Variants in OPN5 observed in about 807,000 individuals in gnomAD.
OPN5 encodes the protein opsin-5.
In OPN5, 18 loss-of-function variants were observed where a neutral mutation model predicts 41.7. The observed-to-expected ratio is 0.43, with a 90% CI of 0.30 to 0.64. OPN5 has a LOEUF of 0.64. Ranked by LOEUF, OPN5 falls within the 30% of genes least tolerant of loss-of-function variation. The pLI, the probability that OPN5 is intolerant of heterozygous loss-of-function variation, is 0.13. For synonymous variants in OPN5, 178 were observed against 164.3 expected (o/e 1.08, Z -0.64); for missense variants, 318 against 434.5 (o/e 0.73, Z 2.38).
In OPN5 at chr6:47,812,855, C is replaced by T. The variant is rs549051824; in HGVS notation, c.1056+1124C>T. Among the ~76,000 whole-genome samples the T allele has an allele frequency of 5.4e-4, 82 of 152,192 alleles. 1 individual carries two copies. The South Asian group carries it at 0.016, about 30-fold the overall frequency. ...AGCGAATAGGGGAAGAGGGTGGCCC[C>T]TCTCACACCATTGATAATCTCTCCA... On this transcript the variant is annotated intron_variant, in intron 6 of 6. Transcript: ENST00000371211.
At chr6:47,790,114 ATAACT>A (rs957204159) in intron 2 of OPN5, among the ~76,000 whole-genome samples, 15 of 152,334 alleles carry the variant, frequency 9.8e-5, no homozygotes, top group African/African-American at 2.6e-4. Context: ...TGAATAAGAC[ATAACT>A]TAACAGAAGA....
chr6:47,793,828 A>G (rs751885549), intron 3 of OPN5: 3 of 933,732 alleles, frequency 3.2e-6, no homozygotes, highest in East Asian at 1.2e-4. Context: ...ACGTATGCCT[A>G]TGCACATTCC....
At chr6:47,819,254 A>G (rs1052631899) in intron 6 of OPN5, among the ~76,000 whole-genome samples, 3 of 148,612 alleles carry the variant, frequency 2.0e-5, no homozygotes, top group African/African-American at 7.4e-5. Flanking sequence ...AACTCACCCC[A>G]GGACACCCTA....
chr6:47,793,946 T>C (rs999583643), intron 3 of OPN5, among the ~76,000 whole-genome samples: 1 of 152,190 alleles, frequency 6.6e-6, no homozygotes, highest in African/African-American at 2.4e-5. Context: ...TGGTTGGGCA[T>C]GAAATTTGCA....
In OPN5 at chr6:47,795,761, T is replaced by TTCTC. The variant is rs112984403; in HGVS notation, c.756+213_756+216dup. 3.1e-3 allele frequency among the ~76,000 whole-genome samples: 428 copies of TTCTC among 136,974 alleles called. 3 individuals are homozygous for TTCTC. Among genetic ancestry groups the TTCTC allele is most frequent in the African/African-American group, 9.9e-3 (374 of 37,796 alleles). 89.9% of individuals were successfully genotyped at this position (136,974 alleles called of 152,430 possible). On this transcript the variant is annotated intron_variant, in intron 4 of 6. Transcript: ENST00000371211. The stretch of plus-strand genomic sequence containing the variant: ...CTGTCTCTGTACCCCCACTTCTCTC[T>TTCTC]TCTCTCTCTCTCTCTCTCACACACA...
In OPN5 at chr6:47,808,427, C is replaced by G. The variant is rs181938602; in HGVS notation, c.998+32C>G. On this transcript the variant is annotated intron_variant, in intron 5 of 6. Transcript: ENST00000371211. The stretch of plus-strand genomic sequence containing the variant: ...CTTCAGAAGCTGGAAATGAATTACA[C>G]TCTCTTTGTTTCAAAATCCGGCAGG... The G allele has an allele frequency of 3.1e-6, 5 of 1,611,504 alleles. No homozygotes were observed. The East Asian group carries it at 1.1e-4, about 36-fold the overall frequency.
rs116456062 is a variant in OPN5, at chr6:47,817,712, A to G, written c.1056+5981A>G. ...CTAATGTGTTTTTAAGTCTTTTCCC[A>G]TTGGATGTGGTCACAGTCAGAGGTG... On this transcript the variant is annotated intron_variant, in intron 6 of 6. Coordinates refer to ENST00000371211, the Ensembl canonical transcript of OPN5. 3.9e-3 allele frequency among the ~76,000 whole-genome samples: 594 copies of G among 152,272 alleles called. 6 individuals are homozygous for G. The highest frequency in any genetic ancestry group is 0.013 in the African/African-American group (533 of 41,576).
intron 6 of OPN5, among the ~76,000 whole-genome samples, chr6:47,813,097 AC>A (rs879492104): frequency 0.12 from 18,518 of 150,870 alleles, 1,262 homozygotes; most frequent in Middle Eastern, 0.16. Flanking sequence ...AACAACAACA[AC>A]AACAACAACA....
At chr6:47,814,677 G>C (rs1731245226) in intron 6 of OPN5, among the ~76,000 whole-genome samples, 1 of 152,116 alleles carries the variant, frequency 6.6e-6, no homozygotes. Flanking sequence ...ATAACTTCCT[G>C]AGTGGGTTTT....
intron 6 of OPN5, among the ~76,000 whole-genome samples, chr6:47,822,393 T>C (rs1376262228): frequency 6.6e-6 from 1 of 152,194 alleles, no homozygotes; most frequent in Admixed American, 6.5e-5. Context: ...GAAAAAAATA[T>C]GACTTAGGCT....
At chr6:47,782,527 G>A (rs1773113824) in intron 1 of OPN5, among the ~76,000 whole-genome samples, 1 of 152,096 alleles carries the variant, frequency 6.6e-6, no homozygotes, top group Non-Finnish European at 1.5e-5. Context: ...TTTAAACAGA[G>A]TGCTTTTTAA....
chr6:47,796,760 T>C (rs1773585093), intron 4 of OPN5, among the ~76,000 whole-genome samples: 1 of 152,178 alleles, frequency 6.6e-6, no homozygotes, highest in Non-Finnish European at 1.5e-5. Flanking sequence ...AATATGCCTC[T>C]CTCCAAATTG....
chr6:47,815,404 A>C (rs1411678389), intron 6 of OPN5, among the ~76,000 whole-genome samples: 1 of 152,158 alleles, frequency 6.6e-6, no homozygotes, highest in African/African-American at 2.4e-5. Flanking sequence ...AAAGGAAAGG[A>C]GAGGGAAAGA....
rs530373786 is a variant in OPN5 at position 47,785,955 on chromosome 6, T to G, written c.131-560T>G. ...CTGCCAGACACTCAGTGTCCATGTC[T>G]CCCAAAGAGGCGGAAGTCCTGGGGC... On this transcript the variant is annotated intron_variant, in intron 1 of 6. Coordinates refer to ENST00000371211, the Ensembl canonical transcript of OPN5. 7.5e-4 allele frequency among the ~76,000 whole-genome samples: 114 copies of G among 152,198 alleles called. 1 individual carries two copies. The Middle Eastern group carries it at 0.014, about 18-fold the overall frequency.
chr6:47,812,120 G>A (rs907161364), intron 6 of OPN5, among the ~76,000 whole-genome samples: 1 of 152,060 alleles, frequency 6.6e-6, no homozygotes, highest in African/African-American at 2.4e-5. Context: ...AGTTTCTGGG[G>A]CTCATTCAGG....
In OPN5 at chr6:47,791,887, T is replaced by G. The variant is rs1561891578; in HGVS notation, c.336T>G (p.Ala112=). 4 of 1,614,096 alleles carry G rather than the reference T, an allele frequency of 2.5e-6. No homozygotes were observed. The South Asian group carries it at 4.4e-5, about 18-fold the overall frequency. Reference sequence around the variant, plus strand: ...TCGGCTGCCGCTGGTATGGATGGGCTGGATTTTTCTTTGGCTGTGGAAGCC... The same window carrying G: ...TCGGCTGCCGCTGGTATGGATGGGCGGGATTTTTCTTTGGCTGTGGAAGCC... Residue 112 remains alanine (A), a synonymous_variant, in exon 3 of 7, where the codon GCT becomes GCG. Transcript: ENST00000371211.
chr6:47,790,123 CAGA>C (rs1277356885), intron 2 of OPN5, among the ~76,000 whole-genome samples: 3 of 151,968 alleles, frequency 2.0e-5, no homozygotes, highest in Middle Eastern at 3.4e-3. Context: ...CATAACTTAA[CAGA>C]AGAAGAAAAA....
At chr6:47,782,421 G>T (rs1400177584) in intron 1 of OPN5, among the ~76,000 whole-genome samples, 2 of 152,072 alleles carry the variant, frequency 1.3e-5, no homozygotes, top group African/African-American at 2.4e-5. Context: ...GATAATCCAA[G>T]AACTCTTACA....
At chr6:47,812,331 A>T (rs1762271034) in intron 6 of OPN5, among the ~76,000 whole-genome samples, 2 of 152,296 alleles carry the variant, frequency 1.3e-5, no homozygotes, top group East Asian at 1.9e-4. Context: ...ATTTCCGCTG[A>T]TGATAATTTT....
Sources: gnomAD v4.1 joint callset for allele counts (sites outside exome capture counted in the v4.1 genomes callset) on GRCh38, gnomAD v4.1.1 for gene constraint, MANE v1.5 for transcripts, NCBI Gene and HGNC (gene_info 2026-07-23, HGNC 2026-07-21) for gene names.